Variants in PCSK5 observed in about 807,000 individuals in gnomAD.
The protein encoded by PCSK5 is prohormone convertase 5.
A neutral mutation model predicts 233.2 loss-of-function variants in PCSK5; 129 were observed. The ratio of observed to expected loss-of-function variants is 0.55; its 90% CI spans 0.48 to 0.64. The LOEUF (loss-of-function observed/expected upper bound fraction) is 0.64, where lower values mean the gene tolerates loss of function less well. Among genes scored for constraint, PCSK5 ranks in the 30% least tolerant of loss-of-function variants. PCSK5 has a pLI of 0.00. For synonymous variants in PCSK5, 825 were observed against 879.2 expected, an observed-to-expected ratio of 0.94 and a Z score of 1.09; for missense variants, 2,076 against 2,430.1, an observed-to-expected ratio of 0.85 and a Z score of 3.06.
intron 36 of PCSK5, among the ~76,000 whole-genome samples, chr9:76,352,634 C>A (rs1830196048): frequency 1.3e-5 from 2 of 152,056 alleles, no homozygotes; most frequent in Non-Finnish European, 2.9e-5. Context: ...TCCCAAAGTG[C>A]TAGGATTACA....
intron 5 of PCSK5, among the ~76,000 whole-genome samples, chr9:76,062,091 T>G (rs143057582): frequency 1.3e-5 from 2 of 152,036 alleles, no homozygotes; most frequent in East Asian, 3.9e-4. Context: ...TACAAAAAAA[T>G]TTAAAAATTA....
intron 12 of PCSK5, among the ~76,000 whole-genome samples, chr9:76,164,691 C>T (rs1023416042): frequency 1.3e-5 from 2 of 152,190 alleles, no homozygotes; most frequent in Non-Finnish European, 2.9e-5. Context: ...AAAGATCATC[C>T]AGCTTTTTCA....
At chr9:75,903,306 A>C (rs990496993) in intron 1 of PCSK5, among the ~76,000 whole-genome samples, 1 of 152,006 alleles carries the variant, frequency 6.6e-6, no homozygotes, top group Admixed American at 6.6e-5. Flanking sequence ...TCTTGTTTAC[A>C]TTTGTATGGT....
At chr9:76,302,309 GC>G in intron 28 of PCSK5, 92 bp downstream of exon 28, 1 of 541,856 alleles carries the variant, frequency 1.8e-6, no homozygotes, top group Non-Finnish European at 3.0e-6. Flanking sequence ...AAGCTGGGAG[GC>G]CAGAAGCAAA....
chr9:76,226,768 C>T (rs1373690777), intron 20 of PCSK5, among the ~76,000 whole-genome samples: 1 of 152,014 alleles, frequency 6.6e-6, no homozygotes, highest in Non-Finnish European at 1.5e-5. Flanking sequence ...GAGTAGAGGC[C>T]CATCTTTGAG....
chr9:76,269,415 C>A lies in PCSK5; in HGVS notation c.3143-22818C>A, dbSNP rs192127097. On this transcript the variant is annotated intron_variant, in intron 24 of 37. Transcript: ENST00000674117. ...GCTACCAAGTGATTAAGAATTGCAC[C>A]GATCACTCATCACAGTTTCAGCAGG... Among the ~76,000 whole-genome samples the A allele has an allele frequency of 1.4e-4, 21 of 152,134 alleles. No homozygotes were observed. The East Asian group carries it at 4.1e-3, about 29-fold the overall frequency.
intron 2 of PCSK5, among the ~76,000 whole-genome samples, chr9:75,964,615 T>C (rs1444493563): frequency 2.0e-5 from 3 of 152,192 alleles, no homozygotes; most frequent in Non-Finnish European, 4.4e-5. Context: ...CCTTGATACT[T>C]GATGGTTACT....
intron 20 of PCSK5, among the ~76,000 whole-genome samples, chr9:76,200,238 C>T (rs1824864028): frequency 6.6e-6 from 1 of 152,166 alleles, no homozygotes; most frequent in African/African-American, 2.4e-5. Flanking sequence ...CACCTCACAC[C>T]ACCATCCCCC....
intron 36 of PCSK5, among the ~76,000 whole-genome samples, 175 bp downstream of exon 36, chr9:76,351,103 C>A (rs1543853): frequency 0.2 from 29,732 of 152,086 alleles, 3,781 homozygotes; most frequent in Non-Finnish European, 0.28. Flanking sequence ...ATGGTGCTAC[C>A]CACCTGTAGC....
At chr9:76,122,816 C>CTTTTTTTTT (rs11430110) in intron 9 of PCSK5, among the ~76,000 whole-genome samples, 4 of 130,498 alleles carry the variant, frequency 3.1e-5, no homozygotes, top group African/African-American at 2.9e-5. Context: ...CTTATTTTTT[C>CTTTTTTTTT]TTTTTTTTTT....
chr9:76,324,780 C>T (rs779169611), intron 32 of PCSK5, among the ~76,000 whole-genome samples: 56 of 152,186 alleles, frequency 3.7e-4, no homozygotes, highest in Admixed American at 1.7e-3. Flanking sequence ...TGTTGTGGGG[C>T]GGGGGCTTTT....
At chr9:76,122,163 GTTTTC>G (rs1832668119) in intron 9 of PCSK5, among the ~76,000 whole-genome samples, 2 of 151,820 alleles carry the variant, frequency 1.3e-5, no homozygotes, top group African/African-American at 4.8e-5. Context: ...ATTTATTAGT[GTTTTC>G]TTCTTATTTT....
intron 24 of PCSK5, among the ~76,000 whole-genome samples, chr9:76,257,578 C>G (rs1827025057): frequency 6.6e-6 from 1 of 152,202 alleles, no homozygotes; most frequent in Non-Finnish European, 1.5e-5. Flanking sequence ...AAATTTGGCT[C>G]CAGTCCTCCC....
At chr9:75,945,302 C>G (rs1162456615) in intron 2 of PCSK5, among the ~76,000 whole-genome samples, 1 of 152,062 alleles carries the variant, frequency 6.6e-6, no homozygotes, top group Non-Finnish European at 1.5e-5. Context: ...CATGATTTAT[C>G]CATTTTTGCT....
At position 76,145,854 on chromosome 9, in the gene PCSK5, A is replaced by G. The variant is rs1216805444; in HGVS notation, c.1313-11191A>G. On this transcript the variant is annotated intron_variant, in intron 10 of 37. Transcript: ENST00000674117. ...TAGAGAGATCTTTGTATTGGTGCCA[A>G]TGTCTGTAATATAAACCAAATCCAA... is the stretch of plus-strand genomic sequence containing the variant. Among the ~76,000 whole-genome samples, 7 of 152,310 alleles carry G rather than the reference A, an allele frequency of 4.6e-5. No individual in the cohort carries two copies. The East Asian group carries it at 7.7e-4, about 17-fold the overall frequency.
At chr9:76,248,116 G>T (rs748151822) in intron 24 of PCSK5, among the ~76,000 whole-genome samples, 13 of 152,000 alleles carry the variant, frequency 8.6e-5, no homozygotes, top group Non-Finnish European at 1.8e-4. Context: ...TTTTTTAAGA[G>T]ATGGGGTCGC....
rs528879457 is a variant in PCSK5, at chr9:75,915,053, C to T, written c.193-17326C>T. 2.8e-4 allele frequency among the ~76,000 whole-genome samples: 42 copies of T among 152,278 alleles called. No homozygotes were observed. The South Asian group carries it at 7.7e-3, about 28-fold the overall frequency. On this transcript the variant is annotated intron_variant, in intron 1 of 37. Transcript: ENST00000674117. ...TGATTGATTGAACGGCTAAAGCATG[C>T]CCATCTTGTTTTGTCCGTTGGAACC...
At chr9:76,166,759 G>A (rs1172519332) in intron 12 of PCSK5, among the ~76,000 whole-genome samples, 3 of 152,228 alleles carry the variant, frequency 2.0e-5, no homozygotes, top group Non-Finnish European at 4.4e-5. Flanking sequence ...AGCTGGAGCT[G>A]TGGGACTTAA....
chr9:75,938,773 C>T (rs184349682), intron 2 of PCSK5, among the ~76,000 whole-genome samples: 18 of 152,224 alleles, frequency 1.2e-4, no homozygotes, highest in Non-Finnish European at 1.5e-4. Context: ...GCATATAAGG[C>T]AAGTGTTGGT....
Sources: allele counts gnomAD v4.1 joint callset (sites outside exome capture counted in the v4.1 genomes callset), GRCh38; gene constraint gnomAD v4.1.1; transcripts MANE v1.5; gene names NCBI Gene and HGNC (gene_info 2026-07-23, HGNC 2026-07-21).